Variants in POP1 observed in about 807,000 individuals in gnomAD.
POP1 encodes POP1 ribonuclease P/MRP subunit.
Under a neutral mutation model 102.2 loss-of-function variants are expected in POP1, and 75 were observed. That is an observed-to-expected ratio of 0.73 (90% CI 0.61 to 0.89). The LOEUF (loss-of-function observed/expected upper bound fraction) is 0.89. Ranked by LOEUF, POP1 falls within the 40% of genes least tolerant of loss-of-function variation. POP1 has a pLI of 0.00. For missense variants in POP1, 1,116 were observed against 1,267.4 expected (o/e 0.88, Z 1.81); for synonymous variants, 436 against 464.1 (o/e 0.94, Z 0.78).
At chr8:98,140,747 C>T (rs1386643257) in intron 10 of POP1, 22 bp from the exon 11 acceptor site, 2 of 1,612,452 alleles carry the variant, frequency 1.2e-6, no homozygotes, top group African/African-American at 2.7e-5. Context: ...TTTCTGTAAA[C>T]TTCTTTTTGT....
chr8:98,146,221 A>T, intron 11 of POP1, among the ~76,000 whole-genome samples: 1 of 152,166 alleles, frequency 6.6e-6, no homozygotes, highest in East Asian at 1.9e-4. Flanking sequence ...GTGCACCACC[A>T]TGCCTGCCTT....
intron 8 of POP1, 55 bp downstream of exon 8, chr8:98,136,793 C>T (rs1816558101): frequency 1.2e-6 from 2 of 1,608,544 alleles, no homozygotes; most frequent in Non-Finnish European, 1.7e-6. Flanking sequence ...AGACCTGCTC[C>T]ATTTTTGTCA....
intron 13 of POP1, among the ~76,000 whole-genome samples, chr8:98,149,351 CT>C (rs768051407): frequency 7.4e-4 from 110 of 149,538 alleles, no homozygotes; most frequent in Non-Finnish European, 6.5e-4. Context: ...GGATAGAATA[CT>C]TTTTTTTTTG....
intron 4 of POP1, 72 bp from the exon 5 acceptor site, chr8:98,129,906 T>C: frequency 1.3e-6 from 2 of 1,528,642 alleles, no homozygotes; most frequent in East Asian, 4.5e-5. Flanking sequence ...GTTATTTGTT[T>C]GCATTCCTGA....
chr8:98,156,494 G>A (rs1809651621), intron 15 of POP1, 82 bp downstream of exon 15: 1 of 1,547,648 alleles, frequency 6.5e-7, no homozygotes, highest in African/African-American at 1.4e-5. Flanking sequence ...CGTTATCACT[G>A]TTTGTTTATG....
rs754510399 is a variant in POP1, at chr8:98,128,498, C to T, written c.444C>T (p.Val148=). The change falls in exon 4 of 16, where the codon GTC becomes GTT. Residue 148 remains valine (V), a synonymous_variant. Transcript: ENST00000401707. ...HMRRRAMSHN[V]KRLPRRLQEI... is the part of the protein sequence containing the mutation. ...GACGAAGAGCCATGAGCCACAACGT[C>T]AAACGCCTTCCCAGACGGTTACAGG... The T allele has an allele frequency of 5.6e-6, 9 of 1,613,858 alleles. No homozygotes were observed. The Admixed American group carries it at 1.5e-4, about 27-fold the overall frequency.
intron 13 of POP1, among the ~76,000 whole-genome samples, chr8:98,149,690 G>A (rs1030642291): frequency 3.3e-5 from 5 of 152,138 alleles, no homozygotes; most frequent in Non-Finnish European, 7.3e-5. Flanking sequence ...CTGGGAGGCG[G>A]AGTTTCAGTG....
At position 98,128,540 on chromosome 8, in the gene POP1, G is replaced by T; in HGVS notation, c.486G>T (p.Glu162Asp). The T allele has an allele frequency of 6.2e-7, 1 of 1,613,848 alleles. No individual in the cohort carries two copies. The highest frequency in any genetic ancestry group is 1.7e-5 in the Admixed American group (1 of 60,010). The change falls in exon 4 of 16, where the codon GAG becomes GAT. Residue 162 changes from glutamate (E) to aspartate (D), a missense_variant and splice_region_variant. Physicochemically the swap from Glu to Asp is conservative, Grantham distance 45 (BLOSUM62 2). Coordinates refer to ENST00000401707, the MANE Select transcript of POP1 (RefSeq NM_001145860.2). ...PRRLQEIAQK[E>D]AEKAVHQKKE... ...GGTTACAGGAGATTGCCCAGAAAGA[G>T]GTAGGAGTTCCACTTAGTGTAAATG...
chr8:98,139,305 A>G (rs747006272), intron 9 of POP1, among the ~76,000 whole-genome samples: 14 of 152,194 alleles, frequency 9.2e-5, no homozygotes, highest in African/African-American at 3.4e-4. Context: ...AAAAATATAC[A>G]TTTCTAGGAA....
chr8:98,140,231 G>T (rs1289217810), intron 10 of POP1, 42 bp downstream of exon 10: 1 of 1,549,234 alleles, frequency 6.5e-7, no homozygotes, highest in African/African-American at 1.4e-5. Flanking sequence ...GAGGGAAGGG[G>T]GCCAAAAGAG....
chr8:98,132,513 A>G (rs1246233370), intron 5 of POP1, among the ~76,000 whole-genome samples: 1 of 152,180 alleles, frequency 6.6e-6, no homozygotes, highest in Non-Finnish European at 1.5e-5. Flanking sequence ...TTTCCCTTTT[A>G]GTTCTAGTTA....
chr8:98,135,261 G>T (rs189558536), intron 7 of POP1, among the ~76,000 whole-genome samples: 4 of 151,858 alleles, frequency 2.6e-5, no homozygotes, highest in Admixed American at 2.6e-4. Flanking sequence ...CTGGGTGACA[G>T]TGAGACCCTG....
At chr8:98,156,673 T>C (rs975984100) in intron 15 of POP1, among the ~76,000 whole-genome samples, 3 of 152,148 alleles carry the variant, frequency 2.0e-5, no homozygotes, top group Non-Finnish European at 4.4e-5. Flanking sequence ...CAGTTTTTTT[T>C]CTGACATATT....
chr8:98,158,177 T>C lies in POP1; in HGVS notation c.2981T>C (p.Leu994Pro). Residue 994 changes from leucine (L) to proline (P), a missense_variant, in exon 16 of 16, where the codon CTG becomes CCG. Transcript: ENST00000401707. The stretch of plus-strand genomic sequence containing the variant: ...AGCTTGACAGGCTTGCTGGATATGC[T>C]GTCCAGCCAGCCTGCAGCGCAGAGG... Reference protein sequence around the residue: ...FVSLTGLLDMLSSQPAAQRGL... With the variant: ...FVSLTGLLDMPSSQPAAQRGL... 1 of 1,611,466 alleles carries C rather than the reference T, an allele frequency of 6.2e-7. No homozygotes were observed. Among genetic ancestry groups the C allele is most frequent in the Non-Finnish European group, 8.5e-7 (1 of 1,179,598 alleles).
At chr8:98,124,526 A>T (rs1381003604) in intron 2 of POP1, among the ~76,000 whole-genome samples, 3 of 151,764 alleles carry the variant, frequency 2.0e-5, no homozygotes, top group Non-Finnish European at 4.4e-5. Context: ...GTGCCACTGC[A>T]CTCCAGCCTG....
intron 15 of POP1, 32 bp downstream of exon 15, chr8:98,156,444 G>A (rs1809650487): frequency 1.2e-6 from 2 of 1,612,280 alleles, no homozygotes. Context: ...GTACATTTTG[G>A]ATTATTTATT....
intron 3 of POP1, among the ~76,000 whole-genome samples, chr8:98,128,003 C>G (rs1164283826): frequency 1.3e-5 from 2 of 152,170 alleles, no homozygotes; most frequent in Non-Finnish European, 2.9e-5. Context: ...TCTTTGTGAA[C>G]TGTTCCTCTT....
At chr8:98,154,143 A>G (rs1228679240) in intron 14 of POP1, among the ~76,000 whole-genome samples, 1 of 152,132 alleles carries the variant, frequency 6.6e-6, no homozygotes, top group Non-Finnish European at 1.5e-5. Context: ...TTGAGAGGAG[A>G]AACATGGGAT....
chr8:98,132,054 T>G (rs1038379962), intron 5 of POP1, among the ~76,000 whole-genome samples: 3 of 152,242 alleles, frequency 2.0e-5, no homozygotes, highest in Non-Finnish European at 2.9e-5. Context: ...ATTTTGGGCA[T>G]AATTTTTGCT....
Sources: gnomAD v4.1 joint callset for allele counts (sites outside exome capture counted in the v4.1 genomes callset) on GRCh38, gnomAD v4.1.1 for gene constraint, MANE v1.5 for transcripts, NCBI Gene and HGNC (gene_info 2026-07-23, HGNC 2026-07-21) for gene names.